Variants in MGAT4C observed in about 807,000 individuals in gnomAD.
MGAT4C encodes the protein alpha-1,3-mannosyl-glycoprotein 4-beta-N-acetylglucosaminyltransferase C.
A neutral mutation model predicts 40.1 loss-of-function variants in MGAT4C; 19 were observed. That is an observed-to-expected ratio of 0.47 (90% confidence interval 0.33 to 0.70). The LOEUF is 0.70. Ranked by LOEUF, MGAT4C falls within the 30% of genes least tolerant of loss-of-function variation. The pLI is 0.02. For synonymous variants in MGAT4C, 181 were observed against 187.1 expected, an observed-to-expected ratio of 0.97 and a Z score of 0.27; for missense variants, 491 against 563.2, an observed-to-expected ratio of 0.87 and a Z score of 1.30.
intron 2 of MGAT4C, among the ~76,000 whole-genome samples, chr12:86,609,159 C>T (rs1381841930): frequency 6.6e-6 from 1 of 151,938 alleles, no homozygotes; most frequent in East Asian, 1.9e-4. Flanking sequence ...GACAAGAATA[C>T]AGCATTATTT....
chr12:86,219,828 CT>C (rs969971797), intron 1 of MGAT4C, among the ~76,000 whole-genome samples: 3 of 152,146 alleles, frequency 2.0e-5, no homozygotes, highest in Non-Finnish European at 4.4e-5. Flanking sequence ...GCCTATCCCC[CT>C]AATCATAAGA....
intron 2 of MGAT4C, among the ~76,000 whole-genome samples, chr12:86,615,293 T>C (rs1205474010): frequency 6.6e-6 from 1 of 152,056 alleles, no homozygotes; most frequent in Non-Finnish European, 1.5e-5. Context: ...TAAAAGGCTA[T>C]GAAAATATTT....
intron 2 of MGAT4C, among the ~76,000 whole-genome samples, chr12:86,501,328 G>C (rs1030161950): frequency 8.6e-5 from 13 of 151,904 alleles, no homozygotes; most frequent in Non-Finnish European, 1.6e-4. Context: ...CACATGTATT[G>C]TTATTTATTT....
chr12:86,119,770 C>A (rs768119230), intron 1 of MGAT4C, among the ~76,000 whole-genome samples: 8 of 149,282 alleles, frequency 5.4e-5, no homozygotes, highest in Non-Finnish European at 7.4e-5. Context: ...TGCTATATTG[C>A]CACGGCTGAA....
At chr12:86,335,142 A>G (rs1452551549) in intron 3 of MGAT4C, among the ~76,000 whole-genome samples, 2 of 152,140 alleles carry the variant, frequency 1.3e-5, no homozygotes, top group African/African-American at 4.8e-5. Context: ...CATTAACTCA[A>G]CAAATATAAA....
intron 1 of MGAT4C, among the ~76,000 whole-genome samples, chr12:86,065,190 A>T (rs1455017148): frequency 6.6e-6 from 1 of 152,052 alleles, no homozygotes; most frequent in African/African-American, 2.4e-5. Flanking sequence ...ATAAAGAGGG[A>T]CTCCTCCCTA....
chr12:86,326,333 C>T lies in MGAT4C; in HGVS notation c.-57+7732G>A, dbSNP rs183682529. ...ACACACACACACACACACACACACA[C>T]GGTAATTATGTAAGGTGATTTATAT... On this transcript the variant is annotated intron_variant, in intron 4 of 7. Transcript: ENST00000548651. Among the ~76,000 whole-genome samples, 588 of 148,588 alleles carry T rather than the reference C, an allele frequency of 4.0e-3. 3 individuals are homozygous for T. Among genetic ancestry groups the T allele is most frequent in the African/African-American group, 0.014 (567 of 39,822 alleles).
chr12:86,205,294 A>G (rs1950208800), intron 1 of MGAT4C, among the ~76,000 whole-genome samples: 1 of 149,772 alleles, frequency 6.7e-6, no homozygotes, highest in South Asian at 2.1e-4. Flanking sequence ...TTGAAAAATT[A>G]TACCTTTTTC....
intron 3 of MGAT4C, among the ~76,000 whole-genome samples, chr12:86,381,607 T>C (rs1351900557): frequency 2.0e-5 from 3 of 152,196 alleles, no homozygotes. Context: ...TCTGGAAATA[T>C]CTTCACAGAC....
intron 3 of MGAT4C, among the ~76,000 whole-genome samples, chr12:86,425,573 G>GA (rs1956910435): frequency 6.6e-6 from 1 of 152,102 alleles, no homozygotes; most frequent in South Asian, 2.1e-4. Flanking sequence ...TTATAGCAAT[G>GA]AAAAAACAAA....
intron 2 of MGAT4C, among the ~76,000 whole-genome samples, chr12:86,026,667 G>C (rs1890272665): frequency 6.6e-6 from 1 of 151,862 alleles, no homozygotes; most frequent in Non-Finnish European, 1.5e-5. Context: ...GATACTTCCA[G>C]CTCCCCTTAG....
chr12:86,089,609 T>A (rs1872525046), intron 1 of MGAT4C, among the ~76,000 whole-genome samples: 1 of 151,886 alleles, frequency 6.6e-6, no homozygotes, highest in African/African-American at 2.4e-5. Context: ...CTTGTCCTGC[T>A]GATTATCTTG....
intron 4 of MGAT4C, among the ~76,000 whole-genome samples, chr12:85,981,379 T>C (rs936913487): frequency 2.0e-5 from 3 of 152,174 alleles, no homozygotes; most frequent in East Asian, 1.9e-4. Context: ...GAAATCTATA[T>C]ACAACAAGAT....
At chr12:86,217,763 CAAGT>C (rs1357588683) in intron 1 of MGAT4C, among the ~76,000 whole-genome samples, 1 of 151,910 alleles carries the variant, frequency 6.6e-6, no homozygotes, top group Non-Finnish European at 1.5e-5. Context: ...AAAAAGCTAT[CAAGT>C]ATGAAGAGAT....
intron 1 of MGAT4C, among the ~76,000 whole-genome samples, chr12:86,192,987 T>G (rs1011746380): frequency 1.2e-4 from 19 of 152,254 alleles, no homozygotes; most frequent in African/African-American, 4.6e-4. Flanking sequence ...GCTTATCTTC[T>G]ATTACTGTTT....
At chr12:86,216,859 T>G (rs1950693040) in intron 1 of MGAT4C, among the ~76,000 whole-genome samples, 1 of 152,162 alleles carries the variant, frequency 6.6e-6, no homozygotes, top group South Asian at 2.1e-4. Context: ...ACTGGTGAAA[T>G]AAGCTCATGT....
In MGAT4C at chr12:85,983,610, C is replaced by T. The variant is rs1884871954; in HGVS notation, c.208G>A (p.Val70Ile). ...STHQLNSERY[V>I]HTFKDLSNFS... ...TTAGATAAATCCTTGAAAGTATGAA[C>T]ATAGCGTTCTGAATTCAGTTGATGT... Residue 70 changes from valine (V) to isoleucine (I), a missense_variant, in exon 4 of 5, where the codon GTT becomes ATT. Physicochemically the swap from Val to Ile is conservative, Grantham distance 29 (BLOSUM62 3). Coordinates refer to ENST00000611864, the MANE Select transcript of MGAT4C (RefSeq NM_001351288.2). The T allele has an allele frequency of 1.3e-6, 2 of 1,596,096 alleles. No individual in the cohort carries two copies. Among genetic ancestry groups the T allele is most frequent in the East Asian group, 4.6e-5 (2 of 43,540 alleles).
At chr12:86,420,800 C>T (rs1246966367) in intron 3 of MGAT4C, among the ~76,000 whole-genome samples, 1 of 147,104 alleles carries the variant, frequency 6.8e-6, no homozygotes, top group African/African-American at 2.6e-5. Context: ...TATATACACA[C>T]ACACATATAT....
At chr12:86,442,603 T>C (rs1213260334) in intron 2 of MGAT4C, among the ~76,000 whole-genome samples, 2 of 152,130 alleles carry the variant, frequency 1.3e-5, no homozygotes, top group Admixed American at 6.5e-5. Flanking sequence ...AAATAGGGAA[T>C]CCTTTCCCCA....
Sources: gnomAD v4.1 joint callset for allele counts (sites outside exome capture counted in the v4.1 genomes callset) on GRCh38, gnomAD v4.1.1 for gene constraint, MANE v1.5 for transcripts, NCBI Gene and HGNC (gene_info 2026-07-23, HGNC 2026-07-21) for gene names.